The following HECW1 variants were observed in gnomAD, a reference collection of about 807,000 sequenced individuals.
HECW1 encodes the protein E3 ubiquitin-protein ligase HECW1.
A neutral mutation model predicts 182.3 loss-of-function variants in HECW1; 61 were observed. The observed-to-expected ratio is 0.33, with a 90% CI of 0.27 to 0.41. The LOEUF is 0.41. Among genes scored for constraint, HECW1 ranks in the 10% least tolerant of loss-of-function variants. HECW1 has a pLI of 1.00. For missense variants in HECW1, 1,739 were observed against 2,108.9 expected, an observed-to-expected ratio of 0.82 and a Z score of 3.44; for synonymous variants, 859 against 832.6, an observed-to-expected ratio of 1.03 and a Z score of -0.55.
intron 17 of HECW1, among the ~76,000 whole-genome samples, chr7:43,489,292 A>C (rs1291740263): frequency 6.6e-6 from 1 of 152,198 alleles, no homozygotes. Context: ...AATACACGTT[A>C]AGGCAAACTG....
At chr7:43,464,451 G>A (rs34761637) in intron 14 of HECW1, among the ~76,000 whole-genome samples, 26,330 of 151,774 alleles carry the variant, frequency 0.17, 2,406 homozygotes, top group Middle Eastern at 0.3. Flanking sequence ...TGCCCAAGTG[G>A]GACTCAGACA....
intron 7 of HECW1, among the ~76,000 whole-genome samples, chr7:43,400,095 C>T (rs993351987): frequency 6.6e-6 from 1 of 151,870 alleles, no homozygotes; most frequent in Non-Finnish European, 1.5e-5. Context: ...AGTTAGCCAG[C>T]CATGGTGGCA....
At chr7:43,556,449 G>A (rs2152962699) in intron 29 of HECW1, among the ~76,000 whole-genome samples, 1 of 151,560 alleles carries the variant, frequency 6.6e-6, no homozygotes, top group East Asian at 1.9e-4. Context: ...CACTGTGGGA[G>A]GCTAAGGCAG....
At chr7:43,462,475 T>C (rs2077619900) in intron 13 of HECW1, among the ~76,000 whole-genome samples, 2 of 150,748 alleles carry the variant, frequency 1.3e-5, no homozygotes, top group South Asian at 4.2e-4. Flanking sequence ...TGGGAACTCA[T>C]CAGAAATGCA....
intron 3 of HECW1, among the ~76,000 whole-genome samples, chr7:43,278,603 C>T (rs1014632030): frequency 6.6e-6 from 1 of 152,092 alleles, no homozygotes; most frequent in East Asian, 1.9e-4. Flanking sequence ...TGATCTGATC[C>T]CCCTTTTGCC....
chr7:43,125,027 G>A (rs1382464518), intron 2 of HECW1, among the ~76,000 whole-genome samples: 1 of 152,120 alleles, frequency 6.6e-6, no homozygotes, highest in Admixed American at 6.6e-5. Flanking sequence ...TGTGGAGGCT[G>A]GAAATCCAAC....
At chr7:43,410,443 T>A (rs899301371) in intron 8 of HECW1, among the ~76,000 whole-genome samples, 1 of 152,160 alleles carries the variant, frequency 6.6e-6, no homozygotes, top group African/African-American at 2.4e-5. Flanking sequence ...GCCCGGCCTC[T>A]TAATACCATC....
intron 6 of HECW1, among the ~76,000 whole-genome samples, chr7:43,379,516 T>G (rs961380584): frequency 1.3e-5 from 2 of 152,144 alleles, no homozygotes; most frequent in South Asian, 4.1e-4. Flanking sequence ...TCCCATTACA[T>G]AACGATTCCA....
At chr7:43,240,178 TA>T in intron 2 of HECW1, among the ~76,000 whole-genome samples, 1 of 151,964 alleles carries the variant, frequency 6.6e-6, no homozygotes, top group Non-Finnish European at 1.5e-5. Flanking sequence ...CCATCTCTAC[TA>T]AAAATACAAA....
chr7:43,523,493 C>T (rs1308436366), intron 24 of HECW1, among the ~76,000 whole-genome samples: 2 of 152,066 alleles, frequency 1.3e-5, no homozygotes, highest in Non-Finnish European at 2.9e-5. Context: ...CAGGGAAAGA[C>T]AATAGATAGC....
At chr7:43,125,986 T>G (rs1786190722) in intron 2 of HECW1, among the ~76,000 whole-genome samples, 1 of 150,540 alleles carries the variant, frequency 6.6e-6, no homozygotes, top group African/African-American at 2.4e-5. Flanking sequence ...TGCCTTAACA[T>G]GCCATGGGAA....
intron 24 of HECW1, among the ~76,000 whole-genome samples, chr7:43,531,224 T>TA (rs2080971093): frequency 6.6e-6 from 1 of 152,218 alleles, no homozygotes; most frequent in South Asian, 2.1e-4. Context: ...TTCTTAGGCT[T>TA]ACCTCACTTG....
At chr7:43,131,662 A>G (rs1409166682) in intron 2 of HECW1, among the ~76,000 whole-genome samples, 1 of 152,220 alleles carries the variant, frequency 6.6e-6, no homozygotes, top group Non-Finnish European at 1.5e-5. Flanking sequence ...CATATATTGT[A>G]TTCCAACCCT....
intron 2 of HECW1, among the ~76,000 whole-genome samples, chr7:43,130,205 A>T (rs7781109): frequency 0.6 from 91,595 of 152,006 alleles, 28,222 homozygotes; most frequent in African/African-American, 0.74. Flanking sequence ...ACATTGTATA[A>T]GTGTATATTA....
At chr7:43,387,337 T>C (rs2074841047) in intron 6 of HECW1, among the ~76,000 whole-genome samples, 1 of 152,196 alleles carries the variant, frequency 6.6e-6, no homozygotes, top group African/African-American at 2.4e-5. Flanking sequence ...CTGTGGTCTT[T>C]ATTCACCAAA....
chr7:43,533,345 A>G (rs2081064238), intron 24 of HECW1, among the ~76,000 whole-genome samples: 1 of 152,178 alleles, frequency 6.6e-6, no homozygotes, highest in South Asian at 2.1e-4. Flanking sequence ...GATAGAAAAC[A>G]TGACTGCTAC....
intron 2 of HECW1, among the ~76,000 whole-genome samples, chr7:43,118,773 C>A (rs1049260084): frequency 6.6e-6 from 1 of 152,132 alleles, no homozygotes; most frequent in African/African-American, 2.4e-5. Context: ...CCCCTGCCTA[C>A]CCCCAGCATT....
intron 2 of HECW1, among the ~76,000 whole-genome samples, chr7:43,234,409 C>T (rs967884127): frequency 4.6e-5 from 7 of 152,144 alleles, no homozygotes; most frequent in Non-Finnish European, 8.8e-5. Flanking sequence ...TAACACAACC[C>T]GGCCCCTTGT....
intron 6 of HECW1, 48 bp from the exon 7 acceptor site, chr7:43,396,766 C>T (rs773344957): frequency 1.6e-5 from 19 of 1,204,132 alleles, no homozygotes; most frequent in Non-Finnish European, 2.0e-5. Context: ...TGTGAATATC[C>T]ATTTCAGTGC....
Sources: allele counts gnomAD v4.1 joint callset (sites outside exome capture counted in the v4.1 genomes callset), GRCh38; gene constraint gnomAD v4.1.1; transcripts MANE v1.5; gene names NCBI Gene and HGNC (gene_info 2026-07-23, HGNC 2026-07-21).